ZNF385B: variants seen among roughly 807,000 people sequenced by gnomAD.
ZNF385B encodes the protein zinc finger protein 385B.
ZNF385B carries 23 observed loss-of-function variants against 39.2 expected under a neutral mutation model. The ratio of observed to expected loss-of-function variants is 0.59; its 90% CI spans 0.42 to 0.83. The LOEUF is 0.83. Among genes scored for constraint, ZNF385B ranks in the 40% least tolerant of loss-of-function variants. ZNF385B has a pLI of 0.00. For synonymous variants in ZNF385B, 205 were observed against 222.6 expected (o/e 0.92, Z 0.70); for missense variants, 552 against 598.9 (o/e 0.92, Z 0.82).
At chr2:179,545,532 A>T (rs1382695048) in intron 3 of ZNF385B, among the ~76,000 whole-genome samples, 1 of 152,196 alleles carries the variant, frequency 6.6e-6, no homozygotes, top group Non-Finnish European at 1.5e-5. Context: ...TTTGAAGTAA[A>T]TGGGTAGTCT....
chr2:179,656,089 C>A (rs1693730061), intron 3 of ZNF385B, among the ~76,000 whole-genome samples: 1 of 152,028 alleles, frequency 6.6e-6, no homozygotes. Context: ...AATAGATTAA[C>A]ATTTGTCTTA....
chr2:179,846,965 TA>T (rs1708829746), intron 1 of ZNF385B, among the ~76,000 whole-genome samples: 1 of 152,182 alleles, frequency 6.6e-6, no homozygotes, highest in Non-Finnish European at 1.5e-5. Flanking sequence ...AGGCAAGAAA[TA>T]AAGGCTCTTA....
rs930327293 is a variant in ZNF385B, at chr2:179,754,559, C to A, written c.298+14944G>T. Among the ~76,000 whole-genome samples, 3 of 152,132 alleles carry A rather than the reference C, an allele frequency of 2.0e-5. No homozygotes were observed. In the South Asian group the frequency reaches 6.2e-4, roughly 32 times the overall value. Reference sequence around the variant, plus strand: ...AGAATTTGGCTGTAAATCCATCTGTCCTGGACTTTTTTTGGTTGATAGGCT... The same window carrying A: ...AGAATTTGGCTGTAAATCCATCTGTACTGGACTTTTTTTGGTTGATAGGCT... On this transcript the variant is annotated intron_variant, in intron 3 of 9. Coordinates refer to ENST00000410066, the MANE Select transcript of ZNF385B (RefSeq NM_152520.6).
chr2:179,692,716 A>G (rs1698448007), intron 3 of ZNF385B, among the ~76,000 whole-genome samples: 1 of 152,180 alleles, frequency 6.6e-6, no homozygotes, highest in African/African-American at 2.4e-5. Context: ...AATATTAGCA[A>G]CTTTCTGAGA....
chr2:179,676,079 C>T (rs1003791923), intron 3 of ZNF385B, among the ~76,000 whole-genome samples: 6 of 150,766 alleles, frequency 4.0e-5, no homozygotes, highest in African/African-American at 1.2e-4. Context: ...TGAGCCACTG[C>T]GCCTGGCCAA....
intron 3 of ZNF385B, among the ~76,000 whole-genome samples, chr2:179,744,359 G>A (rs992240259): frequency 3.4e-5 from 5 of 149,248 alleles, no homozygotes; most frequent in South Asian, 2.1e-4. Flanking sequence ...AGAAGCTATC[G>A]GCTTTGACAG....
chr2:179,701,535 C>T (rs1699201519), intron 3 of ZNF385B, among the ~76,000 whole-genome samples: 2 of 152,116 alleles, frequency 1.3e-5, no homozygotes, highest in Admixed American at 6.5e-5. Flanking sequence ...CCAAGTTCAC[C>T]CCGACATTGT....
chr2:179,635,181 A>T lies in ZNF385B; in HGVS notation c.299-90212T>A, dbSNP rs1302790082. On this transcript the variant is annotated intron_variant, in intron 3 of 9. Transcript: ENST00000410066. ...GAAAGAAAGAAAATGTGACACATAT[A>T]CACCATGGAATACTATGCAGCCATA... Among the ~76,000 whole-genome samples the T allele has an allele frequency of 4.0e-5, 6 of 151,858 alleles. No homozygotes were observed. The East Asian group carries it at 1.2e-3, about 29-fold the overall frequency.
chr2:179,575,538 T>C (rs1685706493), intron 3 of ZNF385B, among the ~76,000 whole-genome samples: 1 of 152,158 alleles, frequency 6.6e-6, no homozygotes, highest in South Asian at 2.1e-4. Context: ...CTGCAAGCAT[T>C]GCTCCTTTCC....
At chr2:179,690,778 G>A (rs1698295756) in intron 3 of ZNF385B, among the ~76,000 whole-genome samples, 1 of 152,188 alleles carries the variant, frequency 6.6e-6, no homozygotes. Flanking sequence ...GAAATTAAAT[G>A]AAATCATGCT....
intron 5 of ZNF385B, among the ~76,000 whole-genome samples, chr2:179,492,445 G>C (rs2055342177): frequency 6.6e-6 from 1 of 152,164 alleles, no homozygotes; most frequent in African/African-American, 2.4e-5. Context: ...AATCAGTCCA[G>C]AAGGTATTAC....
At chr2:179,601,498 T>C (rs1181545267) in intron 3 of ZNF385B, among the ~76,000 whole-genome samples, 2 of 152,160 alleles carry the variant, frequency 1.3e-5, no homozygotes, top group African/African-American at 2.4e-5. Flanking sequence ...AGTATGATAA[T>C]AGTTTGCAGT....
Position 179,628,948 on chromosome 2 carries a change from T to A in ZNF385B, c.299-83979A>T, listed in dbSNP as rs184654216. 9.4e-3 allele frequency among the ~76,000 whole-genome samples: 1,436 copies of A among 152,368 alleles called. 27 individuals carry two copies. The highest frequency in any genetic ancestry group is 0.032 in the African/African-American group (1,341 of 41,588). On this transcript the variant is annotated intron_variant, in intron 3 of 9. Transcript: ENST00000410066. ...GTAACAGAAAGCTTATTTTCTTTTTTAAAACTTTTTGCTATCATTATGCAC... is the reference window on the plus strand; with the variant it reads ...GTAACAGAAAGCTTATTTTCTTTTTAAAAACTTTTTGCTATCATTATGCAC...
intron 3 of ZNF385B, among the ~76,000 whole-genome samples, chr2:179,674,513 A>G (rs1195726509): frequency 6.6e-6 from 1 of 152,226 alleles, no homozygotes; most frequent in African/African-American, 2.4e-5. Flanking sequence ...GAATTATTTT[A>G]AAGTCATTAT....
At chr2:179,669,394 C>T (rs1192539665) in intron 3 of ZNF385B, among the ~76,000 whole-genome samples, 1 of 152,128 alleles carries the variant, frequency 6.6e-6, no homozygotes, top group African/African-American at 2.4e-5. Flanking sequence ...GCTCGAACTC[C>T]CAAAGATTCA....
chr2:179,657,908 G>A (rs1305982097), intron 3 of ZNF385B, among the ~76,000 whole-genome samples: 1 of 152,152 alleles, frequency 6.6e-6, no homozygotes, highest in Non-Finnish European at 1.5e-5. Flanking sequence ...TGGAGGAGAA[G>A]GGTTTTGAAC....
intron 3 of ZNF385B, among the ~76,000 whole-genome samples, chr2:179,748,037 A>G (rs187438314): frequency 1.3e-4 from 20 of 152,256 alleles, no homozygotes; most frequent in African/African-American, 4.1e-4. Context: ...GACTGTATAA[A>G]TGTTTACCTA....
chr2:179,755,652 C>T (rs1317793657), intron 3 of ZNF385B, among the ~76,000 whole-genome samples: 3 of 152,134 alleles, frequency 2.0e-5, no homozygotes, highest in African/African-American at 7.2e-5. Flanking sequence ...AGAGTTAGCT[C>T]TTCTTGTTGA....
At position 179,760,372 on chromosome 2, in the gene ZNF385B, T is replaced by C. The variant is rs570606420; in HGVS notation, c.298+9131A>G. On this transcript the variant is annotated intron_variant, in intron 3 of 9. Coordinates refer to ENST00000410066, the MANE Select transcript of ZNF385B (RefSeq NM_152520.6). ...CTATCCCTTACCAACCACTAATTTGTCCTCTACTTCTACAATTTTGCTATT... is the reference window on the plus strand; with the variant it reads ...CTATCCCTTACCAACCACTAATTTGCCCTCTACTTCTACAATTTTGCTATT... Among the ~76,000 whole-genome samples the C allele has an allele frequency of 3.9e-5, 6 of 152,200 alleles. No homozygotes were observed. In the East Asian group the frequency reaches 9.7e-4, roughly 24 times the overall value.
Sources: allele counts gnomAD v4.1 joint callset (sites outside exome capture counted in the v4.1 genomes callset), GRCh38; gene constraint gnomAD v4.1.1; transcripts MANE v1.5; gene names NCBI Gene and HGNC (gene_info 2026-07-23, HGNC 2026-07-21).